Variants in RUFY3 observed in about 807,000 individuals in gnomAD.
RUFY3 encodes protein RUFY3.
In RUFY3, 34 loss-of-function variants were observed where a neutral mutation model predicts 84.0. The ratio of observed to expected loss-of-function variants is 0.40; its 90% CI spans 0.31 to 0.54. RUFY3 has a LOEUF of 0.54. RUFY3 is among the 20% of genes least tolerant of loss of function. The probability of loss-of-function intolerance (pLI) is 0.39; values close to 1 mark genes in which losing one functional copy is unlikely to be tolerated. For missense variants in RUFY3, 507 were observed against 736.8 expected (o/e 0.69, Z 3.61); for synonymous variants, 242 against 252.9 (o/e 0.96, Z 0.41).
Position 70,800,370 on chromosome 4 carries a change from A to G in RUFY3, c.1622+165A>G, listed in dbSNP as rs573006934. ...GGAAGTTAATAATAAAACGTATAACATGTATTAAACCAAACCCATTAGGCC... is the reference window on the plus strand; with the variant it reads ...GGAAGTTAATAATAAAACGTATAACGTGTATTAAACCAAACCCATTAGGCC... On this transcript the variant is annotated intron_variant, in intron 15 of 17. Coordinates refer to ENST00000381006, the MANE Select transcript of RUFY3 (RefSeq NM_001037442.4). Among the ~76,000 whole-genome samples the G allele has an allele frequency of 2.6e-5, 4 of 152,316 alleles. No individual in the cohort carries two copies. In the South Asian group the frequency reaches 8.3e-4, roughly 32 times the overall value.
At chr4:70,713,375 T>A (rs1401249135) in intron 1 of RUFY3, among the ~76,000 whole-genome samples, 2 of 152,192 alleles carry the variant, frequency 1.3e-5, no homozygotes, top group African/African-American at 4.8e-5. Context: ...AGAAGGTAAG[T>A]AGCAATATGG....
chr4:70,704,600 G>C (rs936331782), upstream of RUFY3: 1 of 193,788 alleles, frequency 5.2e-6, no homozygotes, highest in Non-Finnish European at 1.0e-5. Context: ...CCCAGCCGGA[G>C]GGAAGCGGAA....
In RUFY3 at chr4:70,793,691, T is replaced by C. The variant is rs1250650289; in HGVS notation, c.1338-94T>C. ...CCTCTCTCTGTCTCTCTGTGCATTCTTCCTTGGGTTATTTTATTTTGTGTT... is the reference window on the plus strand; with the variant it reads ...CCTCTCTCTGTCTCTCTGTGCATTCCTCCTTGGGTTATTTTATTTTGTGTT... On this transcript the variant is annotated intron_variant, in intron 12 of 17. Transcript: ENST00000381006. The C allele has an allele frequency of 1.9e-6, 3 of 1,604,164 alleles. No individual in the cohort carries two copies. The East Asian group carries it at 6.7e-5, about 36-fold the overall frequency.
At chr4:70,782,795 C>T (rs547126045) in intron 8 of RUFY3, among the ~76,000 whole-genome samples, 12 of 152,040 alleles carry the variant, frequency 7.9e-5, no homozygotes, top group Middle Eastern at 3.4e-3. Context: ...TGCCTATAGT[C>T]CCAGCTACTT....
chr4:70,741,586 C>T (rs1216532321), intron 1 of RUFY3: 1 of 1,493,596 alleles, frequency 6.7e-7, no homozygotes, highest in South Asian at 1.3e-5. Context: ...GCTTGCATGA[C>T]ATTTTATCTT....
rs1481991411 is a variant in RUFY3, at chr4:70,763,092, C to T, written c.352+400C>T. Among the ~76,000 whole-genome samples, 3 of 152,132 alleles carry T rather than the reference C, an allele frequency of 2.0e-5. No homozygotes were observed. The East Asian group carries it at 5.8e-4, about 29-fold the overall frequency. ...CCACTTAACTATAAGCTTTTGAGGG[C>T]AGTAACTGGTCTTGTTCACCCTTGT... is the stretch of plus-strand genomic sequence containing the variant. On this transcript the variant is annotated intron_variant, in intron 2 of 17. Transcript: ENST00000381006.
Position 70,734,464 on chromosome 4 carries a change from A to G in RUFY3, c.178+11713A>G. On this transcript the variant is annotated intron_variant, in intron 1 of 17. Coordinates refer to ENST00000381006, the MANE Select transcript of RUFY3 (RefSeq NM_001037442.4). ...TGTGTTCAGAAGGCAGTCTCAGTGA[A>G]CTTCTCAAAGTGAGAAGGTTGTAGC... 2.0e-6 allele frequency: 2 copies of G among 985,250 alleles called. 1 individual carries two copies. Among genetic ancestry groups the G allele is most frequent in the South Asian group, 9.4e-5 (2 of 21,274 alleles). 61.0% of individuals were successfully genotyped at this position (985,250 alleles called of 1,614,324 possible). A position where few individuals can be genotyped will look rare whatever the true frequency, so the allele number is the denominator to read the frequency against.
chr4:70,721,819 C>T, upstream of RUFY3: 6 of 981,474 alleles, frequency 6.1e-6, no homozygotes, highest in Non-Finnish European at 7.3e-6. Flanking sequence ...CACAGTTTGA[C>T]TAGCACAGTC....
chr4:70,768,850 G>T (rs753724137), intron 5 of RUFY3, among the ~76,000 whole-genome samples, 189 bp downstream of exon 5: 6 of 151,954 alleles, frequency 3.9e-5, no homozygotes, highest in Non-Finnish European at 5.9e-5. Context: ...TATACGTTAC[G>T]AATGTTTTTT....
In RUFY3 at chr4:70,722,027, C is replaced by T; in HGVS notation, c.-547C>T. 21 of 1,232,186 alleles carry T rather than the reference C, an allele frequency of 1.7e-5. No homozygotes were observed. Among genetic ancestry groups the T allele is most frequent in the Admixed American group, 4.2e-5 (1 of 23,722 alleles). The allele number at this position is 1,232,186 out of a possible 1,614,324, so 76.3% of individuals were successfully genotyped here. A position where few individuals can be genotyped will look rare whatever the true frequency, so the allele number is the denominator to read the frequency against. On this transcript the variant is annotated 5_prime_UTR_variant, in exon 1 of 18. Transcript: ENST00000381006. ...CTGCGCACGGCCAATCCTATGAGAACTCAGCATCCCAGCTCATCTGAGCAG... is the reference window on the plus strand; with the variant it reads ...CTGCGCACGGCCAATCCTATGAGAATTCAGCATCCCAGCTCATCTGAGCAG...
chr4:70,792,321 G>A, intron 12 of RUFY3: 2 of 970,326 alleles, frequency 2.1e-6, no homozygotes, highest in Non-Finnish European at 2.5e-6. Flanking sequence ...GCTAATAATT[G>A]AATTATTAGA....
rs1168187708 is a variant in RUFY3, at chr4:70,768,551, C to T, written c.586C>T (p.Pro196Ser). The T allele has an allele frequency of 3.1e-6, 5 of 1,613,564 alleles. No homozygotes were observed. Among genetic ancestry groups the T allele is most frequent in the Non-Finnish European group, 4.2e-6 (5 of 1,179,888 alleles). ...TTTCTCTTACAGTGAATTCTACGAA[C>T]CCAATGCCCTCATGATGGAAGAAGA... ...KKELLSEFYE[P>S]NALMMEEEGA... The change falls in exon 5 of 18, where the codon CCC (proline) becomes TCC (serine). Residue 196 changes from proline (P) to serine (S), a missense_variant. Coordinates refer to ENST00000381006, the MANE Select transcript of RUFY3 (RefSeq NM_001037442.4).
chr4:70,789,946 T>G, intron 12 of RUFY3: 1 of 978,962 alleles, frequency 1.0e-6, no homozygotes, highest in Non-Finnish European at 1.2e-6. Flanking sequence ...TGTGATTTTA[T>G]TGTTCATCAC....
Position 70,705,586 on chromosome 4 carries a change from G to A in RUFY3, c.358+292G>A, listed in dbSNP as rs872948. ...CTTGGGCTGGGCGCTGGTCTTCGCC[G>A]GCCTCCCACGTGCTTGGGCGGGGGC... On this transcript the variant is annotated intron_variant, in intron 1 of 11. Coordinates refer to the RUFY3 transcript ENST00000417478. 4.0e-3 allele frequency among the ~76,000 whole-genome samples: 602 copies of A among 152,288 alleles called. 5 individuals are homozygous for A. Among genetic ancestry groups the A allele is most frequent in the African/African-American group, 0.012 (497 of 41,566 alleles).
intron 1 of RUFY3, among the ~76,000 whole-genome samples, chr4:70,726,037 C>T (rs1404669211): frequency 6.6e-6 from 1 of 152,176 alleles, no homozygotes; most frequent in African/African-American, 2.4e-5. Flanking sequence ...ATCACTCTGG[C>T]AACAGTGTAG....
intron 1 of RUFY3, among the ~76,000 whole-genome samples, chr4:70,706,626 A>C (rs1290061295): frequency 6.6e-6 from 1 of 152,188 alleles, no homozygotes; most frequent in Admixed American, 6.5e-5. Context: ...GTTAACAGGA[A>C]GGGTCTATGT....
intron 1 of RUFY3, among the ~76,000 whole-genome samples, chr4:70,724,712 A>G (rs1001346100): frequency 1.3e-5 from 2 of 152,218 alleles, no homozygotes; most frequent in Non-Finnish European, 2.9e-5. Flanking sequence ...TGGGCAAGAA[A>G]GCTATTATTT....
rs548341253 is a variant in RUFY3, at chr4:70,785,629, G to C, written c.1071+750G>C. 2.6e-5 allele frequency among the ~76,000 whole-genome samples: 4 copies of C among 151,284 alleles called. No homozygotes were observed. In the South Asian group the frequency reaches 8.4e-4, roughly 32 times the overall value. On this transcript the variant is annotated intron_variant, in intron 10 of 17. Transcript: ENST00000381006. ...GGATCACGTAAGGTCGGGAGTTCGAGACCAGCATGACCAGCATGGTGAAAC... is the reference window on the plus strand; with the variant it reads ...GGATCACGTAAGGTCGGGAGTTCGACACCAGCATGACCAGCATGGTGAAAC...
At chr4:70,791,025 C>T (rs1383317321) in intron 12 of RUFY3, among the ~76,000 whole-genome samples, 1 of 152,102 alleles carries the variant, frequency 6.6e-6, no homozygotes. Flanking sequence ...TTTTACTGTT[C>T]ATAAATTGTG....
Sources: gnomAD v4.1 joint callset for allele counts (sites outside exome capture counted in the v4.1 genomes callset) on GRCh38, gnomAD v4.1.1 for gene constraint, MANE v1.5 for transcripts, NCBI Gene and HGNC (gene_info 2026-07-23, HGNC 2026-07-21) for gene names.